The following CIBAR1 variants were observed in gnomAD, a reference collection of about 807,000 sequenced individuals.
CIBAR1 encodes CBY1-interacting BAR domain-containing protein 1.
In CIBAR1, 25 loss-of-function variants were observed where a neutral mutation model predicts 44.0. That is an observed-to-expected ratio of 0.57 (90% CI 0.41 to 0.79). The LOEUF (loss-of-function observed/expected upper bound fraction) is 0.79, where lower values mean the gene tolerates loss of function less well. CIBAR1 is among the 30% of genes least tolerant of loss of function. The pLI, the probability that CIBAR1 is intolerant of heterozygous loss-of-function variation, is 0.00. For synonymous variants in CIBAR1, 115 were observed against 119.0 expected (o/e 0.97, Z 0.22); for missense variants, 278 against 344.8 (o/e 0.81, Z 1.53).
intron 6 of CIBAR1, among the ~76,000 whole-genome samples, chr8:93,714,075 G>A (rs1810939831): frequency 6.6e-6 from 1 of 152,148 alleles, no homozygotes; most frequent in Non-Finnish European, 1.5e-5. Context: ...CATCTTAAGA[G>A]TAATTCTTCC....
intron 4 of CIBAR1, chr8:93,706,029 T>C (rs1382159891): frequency 6.6e-6 from 1 of 152,124 alleles, no homozygotes; most frequent in Non-Finnish European, 1.5e-5. Flanking sequence ...ATATGTCTCC[T>C]TCCTGCTTCC....
At chr8:93,723,690 T>A (rs1334855478) in intron 7 of CIBAR1, among the ~76,000 whole-genome samples, 1 of 152,128 alleles carries the variant, frequency 6.6e-6, no homozygotes, top group African/African-American at 2.4e-5. Flanking sequence ...AACTTAAGAC[T>A]CATTGAGACA....
chr8:93,723,927 A>G (rs1041506446), intron 7 of CIBAR1, among the ~76,000 whole-genome samples: 7 of 152,316 alleles, frequency 4.6e-5, no homozygotes, highest in African/African-American at 1.7e-4. Flanking sequence ...AAGAGCCACA[A>G]AAAGTTTTAG....
chr8:93,709,592 C>T, intron 5 of CIBAR1, 179 bp from the exon 6 acceptor site: 1 of 559,048 alleles, frequency 1.8e-6, no homozygotes, highest in Non-Finnish European at 3.2e-6. Context: ...AAATAAAGTT[C>T]TTTATTCTGC....
intron 7 of CIBAR1, chr8:93,726,118 T>C (rs1811484890): frequency 3.4e-6 from 1 of 294,056 alleles, no homozygotes; most frequent in East Asian, 9.0e-5. Flanking sequence ...GGGTCTCAAC[T>C]TCTGCAGTTC....
rs1474857657 is a variant in CIBAR1 at position 93,709,818 on chromosome 8, T to G, written c.486T>G (p.Ser162Arg). The G allele has an allele frequency of 1.2e-6, 2 of 1,613,404 alleles. No individual in the cohort carries two copies. Among genetic ancestry groups the G allele is most frequent in the East Asian group, 4.5e-5 (2 of 44,858 alleles). ...QRAAMDASRT[S>R]RHLEETINNF... ...CTGCAATGGATGCTAGCCGAACAAG[T>G]CGTCATCTGGAGGAAACTATTAACA... The change falls in exon 6 of 9, where the codon AGT becomes AGG. Residue 162 changes from serine (S) to arginine (R), a missense_variant. Ser to Arg is a moderately radical substitution (Grantham distance 110). Transcript: ENST00000518322.
At chr8:93,702,859 A>T (rs990040350) in intron 2 of CIBAR1, among the ~76,000 whole-genome samples, 8 of 152,176 alleles carry the variant, frequency 5.3e-5, no homozygotes, top group African/African-American at 1.9e-4. Context: ...TAAGCAATTG[A>T]ATACATCACC....
intron 6 of CIBAR1, among the ~76,000 whole-genome samples, chr8:93,713,374 G>A (rs1349121452): frequency 3.9e-5 from 6 of 152,062 alleles, no homozygotes; most frequent in South Asian, 4.1e-4. Flanking sequence ...TTTCTGAGTT[G>A]TGAGAGATTT....
chr8:93,700,960 C>T (rs1468042918), intron 1 of CIBAR1: 5 of 1,373,930 alleles, frequency 3.6e-6, no homozygotes, highest in Non-Finnish European at 4.7e-6. Context: ...GCGCCCAGGC[C>T]GCGCTGCGCG....
At chr8:93,718,644 T>A in intron 6 of CIBAR1, 31 bp from the exon 7 acceptor site, 1 of 1,228,130 alleles carries the variant, frequency 8.1e-7, no homozygotes, top group Non-Finnish European at 1.1e-6. Flanking sequence ...TTTAAATCAT[T>A]GTTTAAATTC....
intron 6 of CIBAR1, among the ~76,000 whole-genome samples, chr8:93,714,733 C>T (rs527667535): frequency 1.3e-5 from 2 of 152,066 alleles, no homozygotes; most frequent in African/African-American, 2.4e-5. Context: ...ATCCTCCCAC[C>T]TCAACCTCCC....
At chr8:93,700,703 C>T (rs1810303435) in intron 1 of CIBAR1, 30 bp downstream of exon 1, 1 of 1,493,474 alleles carries the variant, frequency 6.7e-7, no homozygotes, top group Non-Finnish European at 8.9e-7. Context: ...TGCCCAGGGC[C>T]GCCCACACTG....
intron 7 of CIBAR1, among the ~76,000 whole-genome samples, chr8:93,722,641 G>A (rs1811311198): frequency 6.6e-6 from 1 of 152,122 alleles, no homozygotes; most frequent in Non-Finnish European, 1.5e-5. Flanking sequence ...AGAGGTTGCA[G>A]TGAGCTGAGA....
chr8:93,716,952 C>G (rs1298066422), intron 6 of CIBAR1, among the ~76,000 whole-genome samples: 1 of 152,198 alleles, frequency 6.6e-6, no homozygotes, highest in Non-Finnish European at 1.5e-5. Context: ...TTAAAGATCT[C>G]TTTTGTTAAT....
chr8:93,707,043 C>T (rs1810620108), intron 4 of CIBAR1, among the ~76,000 whole-genome samples: 1 of 152,136 alleles, frequency 6.6e-6, no homozygotes, highest in South Asian at 2.1e-4. Context: ...GAACAAGCTT[C>T]CTATAATGCA....
At chr8:93,721,823 GAA>G (rs11289085) in intron 7 of CIBAR1, among the ~76,000 whole-genome samples, 11 of 149,690 alleles carry the variant, frequency 7.3e-5, no homozygotes, top group Admixed American at 2.0e-4. Flanking sequence ...GTCCTATAAA[GAA>G]AAAAAAAAAG....
intron 7 of CIBAR1, chr8:93,720,849 AAC>A (rs1415871809): frequency 1.3e-5 from 2 of 152,150 alleles, no homozygotes; most frequent in Non-Finnish European, 2.9e-5. Context: ...CTAGCCTGGC[AAC>A]AGAGTGAGAC....
intron 7 of CIBAR1, among the ~76,000 whole-genome samples, chr8:93,725,244 A>G (rs918787338): frequency 2.0e-5 from 3 of 152,158 alleles, no homozygotes; most frequent in Non-Finnish European, 4.4e-5. Context: ...TGGCCTCCCA[A>G]AGTGCTAGGA....
At chr8:93,700,925 G>A in intron 1 of CIBAR1, 1 of 1,360,550 alleles carries the variant, frequency 7.3e-7, no homozygotes, top group Non-Finnish European at 9.4e-7. Flanking sequence ...GCCGCGGGCA[G>A]TGCGGAAGCC....
Sources: allele counts gnomAD v4.1 joint callset (sites outside exome capture counted in the v4.1 genomes callset), GRCh38; gene constraint gnomAD v4.1.1; transcripts MANE v1.5; gene names NCBI Gene and HGNC (gene_info 2026-07-23, HGNC 2026-07-21).